NR3C2: variants seen among roughly 807,000 people sequenced by gnomAD.
The protein encoded by NR3C2 is mineralocorticoid receptor.
NR3C2 carries 15 observed loss-of-function variants against 86.4 expected under a neutral mutation model. The ratio of observed to expected loss-of-function variants is 0.17; its 90% CI spans 0.12 to 0.27. The LOEUF (loss-of-function observed/expected upper bound fraction) is 0.27. Among genes scored for constraint, NR3C2 ranks in the 10% least tolerant of loss-of-function variants. NR3C2 has a pLI of 1.00. For synonymous variants in NR3C2, 458 were observed against 450.5 expected (o/e 1.02, Z -0.21); for missense variants, 960 against 1,195.6 (o/e 0.80, Z 2.91).
Position 148,435,175 on chromosome 4 carries a change from T to C in NR3C2, c.1686A>G (p.Ser562=), listed in dbSNP as rs1456002649. The change falls in exon 2 of 9, where the codon TCA becomes TCG. Residue 562 remains serine, a synonymous_variant. Coordinates refer to ENST00000358102, the MANE Select transcript of NR3C2 (RefSeq NM_000901.5). ...TTCTTCTAGACGACAGGTCGCCGTG[T>C]GATTTCCATGACTCCACTAAAGTAT... is the stretch of plus-strand genomic sequence containing the variant. The part of the protein sequence containing the change: ...PVNTLVESWK[S]HGDLSSRRSD... 13 of 1,614,206 alleles carry C rather than the reference T, an allele frequency of 8.1e-6. No individual in the cohort carries two copies. The East Asian group carries it at 2.9e-4, about 36-fold the overall frequency.
At position 148,435,010 on chromosome 4, in the gene NR3C2, G is replaced by A. The variant is rs1749966569; in HGVS notation, c.1757+94C>T. On this transcript the variant is annotated intron_variant, in intron 2 of 8. Coordinates refer to ENST00000358102, the MANE Select transcript of NR3C2 (RefSeq NM_000901.5). The stretch of plus-strand genomic sequence containing the variant: ...ATGACCATCCTTAAAACAGTAATCT[G>A]AAATGTGTTTAAATTTATCAACTGT... 15 of 1,216,668 alleles carry A rather than the reference G, an allele frequency of 1.2e-5. No homozygotes were observed. The South Asian group carries it at 1.7e-4, about 14-fold the overall frequency. The allele number at this position is 1,216,668 out of a possible 1,614,324, so 75.4% of individuals were successfully genotyped here. A position where few individuals can be genotyped will look rare whatever the true frequency, so the allele number is the denominator to read the frequency against.
chr4:148,311,458 C>A (rs1742896177), intron 2 of NR3C2, among the ~76,000 whole-genome samples: 1 of 152,176 alleles, frequency 6.6e-6, no homozygotes, highest in Admixed American at 6.5e-5. Context: ...TCACACTTCA[C>A]ATCAGCAGAT....
At chr4:148,114,295 G>A in intron 7 of NR3C2, 34 bp from the exon 8 acceptor site, 1 of 1,611,814 alleles carries the variant, frequency 6.2e-7, no homozygotes, top group Non-Finnish European at 8.5e-7. Flanking sequence ...TAAATTTCCA[G>A]GATGGAAAAC....
intron 8 of NR3C2, among the ~76,000 whole-genome samples, chr4:148,093,672 CAAATG>C (rs1300536340): frequency 6.6e-6 from 1 of 152,184 alleles, no homozygotes; most frequent in Non-Finnish European, 1.5e-5. Context: ...TCACTGGACA[CAAATG>C]ACTGGCAAGT....
intron 2 of NR3C2, among the ~76,000 whole-genome samples, chr4:148,265,507 T>G (rs527826198): frequency 1.3e-5 from 2 of 152,340 alleles, no homozygotes; most frequent in South Asian, 4.1e-4. Context: ...TTCCCATCCT[T>G]ACAGTAATTT....
chr4:148,258,339 G>A (rs1739927920), intron 3 of NR3C2, among the ~76,000 whole-genome samples: 1 of 152,150 alleles, frequency 6.6e-6, no homozygotes, highest in Non-Finnish European at 1.5e-5. Flanking sequence ...ATCTAATTAA[G>A]GAAAGAGAGA....
intron 3 of NR3C2, among the ~76,000 whole-genome samples, chr4:148,217,130 T>C (rs1737579304): frequency 6.6e-6 from 1 of 152,244 alleles, no homozygotes; most frequent in Admixed American, 6.5e-5. Context: ...ACCTGACTTG[T>C]GGCAAAGCAC....
intron 2 of NR3C2, among the ~76,000 whole-genome samples, chr4:148,291,758 C>T (rs1477811568): frequency 6.6e-6 from 1 of 152,110 alleles, no homozygotes; most frequent in Non-Finnish European, 1.5e-5. Flanking sequence ...TAGATGCCCC[C>T]TTCTTACAAT....
chr4:148,186,601 A>G (rs2149795290), intron 4 of NR3C2, among the ~76,000 whole-genome samples: 1 of 152,198 alleles, frequency 6.6e-6, no homozygotes, highest in East Asian at 1.9e-4. Context: ...ATGGCACAGT[A>G]TTGTACATAA....
intron 6 of NR3C2, among the ~76,000 whole-genome samples, chr4:148,120,715 A>G (rs953590809): frequency 6.6e-6 from 1 of 152,242 alleles, no homozygotes; most frequent in African/African-American, 2.4e-5. Flanking sequence ...TGCTACGAAC[A>G]TAGGATGGGG....
Position 148,296,255 on chromosome 4 carries a change from T to G in NR3C2, c.1758-36138A>C, listed in dbSNP as rs535200418. Among the ~76,000 whole-genome samples, 8 of 152,182 alleles carry G rather than the reference T, an allele frequency of 5.3e-5. No individual in the cohort carries two copies. In the East Asian group the frequency reaches 1.5e-3, roughly 29 times the overall value. ...TTTTTGTTTACTGTCAACTTACTTA[T>G]CTGTGCTCCAGCATCACTTAAGGAT... On this transcript the variant is annotated intron_variant, in intron 2 of 8. Transcript: ENST00000358102.
chr4:148,381,142 C>T (rs146361849), intron 2 of NR3C2, among the ~76,000 whole-genome samples: 205 of 151,688 alleles, frequency 1.4e-3, no homozygotes, highest in African/African-American at 4.5e-3. Context: ...GCAGGAGGAT[C>T]GCTTGAGCCC....
chr4:148,155,306 A>G (rs957748827), intron 4 of NR3C2, among the ~76,000 whole-genome samples: 3 of 152,218 alleles, frequency 2.0e-5, no homozygotes, highest in Non-Finnish European at 2.9e-5. Context: ...TCAATTAGGA[A>G]AAGACGAAGT....
intron 6 of NR3C2, among the ~76,000 whole-genome samples, chr4:148,135,914 G>A (rs974533422): frequency 1.1e-4 from 16 of 139,428 alleles, no homozygotes; most frequent in Admixed American, 2.2e-4. Context: ...AAAATTAGCC[G>A]GGCATAGTGG....
In NR3C2 at chr4:148,155,677, C is replaced by T. The variant is rs1331502791; in HGVS notation, c.2015-776G>A. Reference sequence around the variant, plus strand: ...GGAAGAATCAATATCGTGAAAATGGCCATATTGCCCAAGGTAATTTATAGA... The same window carrying T: ...GGAAGAATCAATATCGTGAAAATGGTCATATTGCCCAAGGTAATTTATAGA... On this transcript the variant is annotated intron_variant, in intron 4 of 8. Transcript: ENST00000358102. 1.8e-4 allele frequency among the ~76,000 whole-genome samples: 27 copies of T among 150,942 alleles called. No individual in the cohort carries two copies. In the East Asian group the frequency reaches 5.3e-3, roughly 30 times the overall value.
intron 2 of NR3C2, among the ~76,000 whole-genome samples, chr4:148,319,600 G>A (rs914570098): frequency 6.0e-4 from 90 of 149,570 alleles, no homozygotes; most frequent in African/African-American, 2.2e-3. Flanking sequence ...CACGTCCCTT[G>A]TAAGTTGGAT....
rs5531 is a variant in NR3C2, at chr4:148,080,636, G to C, written c.*708C>G. On this transcript the variant is annotated 3_prime_UTR_variant, in exon 9 of 9. Coordinates refer to ENST00000358102, the MANE Select transcript of NR3C2 (RefSeq NM_000901.5). ...CTTCATAATTTATACATACAGTAAT[G>C]TACAGCACAGCAAAAGACTGCAAAA... The C allele has an allele frequency of 1.2e-3, 245 of 200,424 alleles. 1 individual carries two copies. The highest frequency in any genetic ancestry group is 5.4e-3 in the African/African-American group (237 of 44,078). 12.4% of individuals were successfully genotyped at this position (200,424 alleles called of 1,614,324 possible). A position where few individuals can be genotyped will look rare whatever the true frequency, so the allele number is the denominator to read the frequency against.
At chr4:148,156,049 G>A (rs940889257) in intron 4 of NR3C2, among the ~76,000 whole-genome samples, 1 of 152,058 alleles carries the variant, frequency 6.6e-6, no homozygotes, top group African/African-American at 2.4e-5. Context: ...TGGGAAAACT[G>A]GCTAGCCATA....
At chr4:148,366,935 C>T (rs1454259553) in intron 2 of NR3C2, among the ~76,000 whole-genome samples, 1 of 152,112 alleles carries the variant, frequency 6.6e-6, no homozygotes, top group Non-Finnish European at 1.5e-5. Flanking sequence ...TACAAAAAAA[C>T]TACTTCACTC....
Sources: gnomAD v4.1 joint callset for allele counts (sites outside exome capture counted in the v4.1 genomes callset) on GRCh38, gnomAD v4.1.1 for gene constraint, MANE v1.5 for transcripts, NCBI Gene and HGNC (gene_info 2026-07-23, HGNC 2026-07-21) for gene names.